The following IL6ST variants were observed in gnomAD, a reference collection of about 807,000 sequenced individuals.
IL6ST encodes the protein interleukin 6 cytokine family signal transducer.
Under a neutral mutation model 91.3 loss-of-function variants are expected in IL6ST, and 24 were observed. The ratio of observed to expected loss-of-function variants is 0.26; its 90% CI spans 0.19 to 0.37. The LOEUF (loss-of-function observed/expected upper bound fraction) is 0.37. Ranked by LOEUF, IL6ST falls within the 10% of genes least tolerant of loss-of-function variation. The probability of loss-of-function intolerance (pLI) is 1.00; values close to 1 mark genes in which losing one functional copy is unlikely to be tolerated. For missense variants in IL6ST, 914 were observed against 1,078.5 expected (o/e 0.85, Z 2.14); for synonymous variants, 351 against 373.6 (o/e 0.94, Z 0.70).
intron 1 of IL6ST, among the ~76,000 whole-genome samples, chr5:55,984,170 T>C (rs1364737645): frequency 1.3e-5 from 2 of 152,266 alleles, no homozygotes; most frequent in East Asian, 3.8e-4. Flanking sequence ...ACACAATATG[T>C]AAATAAGTGG....
At chr5:55,965,437 G>GA (rs1406556053) in intron 5 of IL6ST, among the ~76,000 whole-genome samples, 6 of 152,092 alleles carry the variant, frequency 3.9e-5, no homozygotes, top group African/African-American at 1.4e-4. Context: ...ATTTTTAAAA[G>GA]ATAGTATTAT....
chr5:55,951,439 AAAACC>A lies in IL6ST; in HGVS notation c.1840+20_1840+24del. On this transcript the variant is annotated intron_variant, in intron 14 of 16. Coordinates refer to ENST00000381298, the MANE Select transcript of IL6ST (RefSeq NM_002184.4). ...TCTAACCTAAGTTTGAGAAAGAAAA[AAAACC>A]AAACTTCATTATTTCTTACCAAACT... 1 of 1,590,964 alleles carries A rather than the reference AAAACC, an allele frequency of 6.3e-7. No homozygotes were observed. The highest frequency in any genetic ancestry group is 2.2e-5 in the East Asian group (1 of 44,728).
At chr5:55,948,278 C>T in intron 14 of IL6ST, among the ~76,000 whole-genome samples, 1 of 152,172 alleles carries the variant, frequency 6.6e-6, no homozygotes, top group East Asian at 1.9e-4. Flanking sequence ...AAATTAATCA[C>T]TAATTGGGAT....
intron 5 of IL6ST, among the ~76,000 whole-genome samples, chr5:55,967,806 A>AT (rs1184487143): frequency 1.3e-5 from 2 of 151,358 alleles, no homozygotes; most frequent in East Asian, 3.9e-4. Context: ...TTATTTATTT[A>AT]TTTTTTTTGA....
intron 5 of IL6ST, among the ~76,000 whole-genome samples, chr5:55,966,765 C>A (rs1303360497): frequency 6.6e-6 from 1 of 151,956 alleles, no homozygotes; most frequent in Non-Finnish European, 1.5e-5. Context: ...CAAGAGTGTT[C>A]ACTGTAAAAC....
rs1368005798 is a variant in IL6ST, at chr5:55,964,137, T to G, written c.658+9A>C. ...TCAAATAAACTCTCAAATTCAGGTT[T>G]ATAACTACCTTTATATACAGGATCA... is the stretch of plus-strand genomic sequence containing the variant. On this transcript the variant is annotated intron_variant, in intron 6 of 16. Coordinates refer to ENST00000381298, the MANE Select transcript of IL6ST (RefSeq NM_002184.4). 4 of 1,512,900 alleles carry G rather than the reference T, an allele frequency of 2.6e-6. No individual in the cohort carries two copies. The highest frequency in any genetic ancestry group is 3.6e-6 in the Non-Finnish European group (4 of 1,115,870). 93.7% of individuals were successfully genotyped at this position (1,512,900 alleles called of 1,614,324 possible).
Position 55,982,777 on chromosome 5 carries a change from A to C in IL6ST, c.-69T>G, listed in dbSNP as rs1278169830. ...GTAGGGATTTGAAGCTAAGTCTTCT[A>C]CTTCTAAATGTCATGCTTTTTCCAT... is the stretch of plus-strand genomic sequence containing the variant. On this transcript the variant is annotated 5_prime_UTR_variant, in exon 2 of 17. Transcript: ENST00000381298. The C allele has an allele frequency of 5.0e-6, 2 of 398,262 alleles. No homozygotes were observed. Among genetic ancestry groups the C allele is most frequent in the African/African-American group, 4.1e-5 (2 of 48,612 alleles). The allele number at this position is 398,262 out of a possible 1,614,324, so 24.7% of individuals were successfully genotyped here. A position where few individuals can be genotyped will look rare whatever the true frequency, so the allele number is the denominator to read the frequency against.
chr5:55,953,721 G>A (rs1036711929), intron 11 of IL6ST, among the ~76,000 whole-genome samples: 5 of 152,236 alleles, frequency 3.3e-5, no homozygotes, highest in Non-Finnish European at 5.9e-5. Flanking sequence ...CTGAGCAGTG[G>A]TTCACGCCTG....
At position 55,963,385 on chromosome 5, in the gene IL6ST, T is replaced by C. The variant is rs1031695419; in HGVS notation, c.780A>G (p.Gln260=). 1.2e-6 allele frequency: 2 copies of C among 1,602,540 alleles called. No homozygotes were observed. The highest frequency in any genetic ancestry group is 1.7e-5 in the Admixed American group (1 of 57,950). ...AAGTTGAGGCATCTTTGGTCCTATA[T>C]TGAATGTTATATTTTAGTATTATAA... ...KSVIILKYNI[Q]YRTKDASTWS... The change falls in exon 7 of 17, where the codon CAA becomes CAG. Residue 260 remains glutamine, a synonymous_variant. Coordinates refer to ENST00000381298, the MANE Select transcript of IL6ST (RefSeq NM_002184.4).
At chr5:55,972,771 G>A (rs552310738) in intron 3 of IL6ST, among the ~76,000 whole-genome samples, 35 of 152,098 alleles carry the variant, frequency 2.3e-4, no homozygotes, top group Non-Finnish European at 3.5e-4. Flanking sequence ...TTGGGAGGCC[G>A]AGGTGGATGG....
At chr5:55,990,037 G>C (rs1754222257) in intron 1 of IL6ST, among the ~76,000 whole-genome samples, 1 of 152,132 alleles carries the variant, frequency 6.6e-6, no homozygotes, top group Non-Finnish European at 1.5e-5. Flanking sequence ...TTAGAGCAAA[G>C]GGTGAAGCTG....
At chr5:55,966,707 G>A (rs949612283) in intron 5 of IL6ST, among the ~76,000 whole-genome samples, 2 of 152,116 alleles carry the variant, frequency 1.3e-5, no homozygotes, top group African/African-American at 4.8e-5. Flanking sequence ...AGATAAATAG[G>A]TGATAAAGCA....
At position 55,951,932 on chromosome 5, in the gene IL6ST, T is replaced by A. The variant is rs1433538463; in HGVS notation, c.1696A>T (p.Thr566Ser). The A allele has an allele frequency of 7.0e-7, 1 of 1,433,562 alleles. No homozygotes were observed. The highest frequency in any genetic ancestry group is 1.4e-5 in the African/African-American group (1 of 70,708). 88.8% of individuals were successfully genotyped at this position (1,433,562 alleles called of 1,614,324 possible). Residue 566 changes from threonine to serine, a missense_variant, in exon 13 of 17, where the codon ACT becomes TCT. Transcript: ENST00000381298. ...ATAACTGATACAGTTTTATTACCAGTTTCATTTCCAATGATGGTTCTATAA... is the reference window on the plus strand; with the variant it reads ...ATAACTGATACAGTTTTATTACCAGATTCATTTCCAATGATGGTTCTATAA... The part of the protein sequence containing the change: ...IFYRTIIGNE[T>S]AVNVDSSHTE...
At chr5:55,967,487 CAA>C (rs915470674) in intron 5 of IL6ST, among the ~76,000 whole-genome samples, 4 of 149,170 alleles carry the variant, frequency 2.7e-5, no homozygotes, top group African/African-American at 9.9e-5. Flanking sequence ...TTGACTGAAA[CAA>C]ATGTAAAAAA....
At chr5:55,980,754 A>T (rs999944699) in intron 2 of IL6ST, among the ~76,000 whole-genome samples, 1 of 152,182 alleles carries the variant, frequency 6.6e-6, no homozygotes, top group Non-Finnish European at 1.5e-5. Flanking sequence ...CTTCTAAATA[A>T]AACTATTAAC....
At position 55,952,307 on chromosome 5, in the gene IL6ST, C is replaced by A. The variant is rs34417936; in HGVS notation, c.1495G>T (p.Val499Leu). The change falls in exon 12 of 17, where the codon GTA becomes TTA. Residue 499 changes from valine to leucine, a missense_variant. Val to Leu is a conservative substitution (Grantham distance 32). Transcript: ENST00000381298. ...GGGCTTCCTGGTCCATCAGCATATA[C>A]TGGAGTAACTGTTATCAAATAGCAT... is the stretch of plus-strand genomic sequence containing the variant. ...SKCYLITVTP[V>L]YADGPGSPES... The A allele has an allele frequency of 6.2e-7, 1 of 1,606,298 alleles. No homozygotes were observed. Among genetic ancestry groups the A allele is most frequent in the Non-Finnish European group, 8.5e-7 (1 of 1,174,276 alleles).
At chr5:55,991,323 C>T (rs1236952264) in intron 1 of IL6ST, among the ~76,000 whole-genome samples, 1 of 152,198 alleles carries the variant, frequency 6.6e-6, no homozygotes, top group Non-Finnish European at 1.5e-5. Context: ...TCCCTATCTA[C>T]AAACAACTCA....
At chr5:55,977,952 T>C (rs1753412597) in intron 2 of IL6ST, among the ~76,000 whole-genome samples, 1 of 151,508 alleles carries the variant, frequency 6.6e-6, no homozygotes, top group African/African-American at 2.4e-5. Context: ...TGAGCTGAGA[T>C]GGCACCACTG....
chr5:55,968,826 A>C lies in IL6ST; in HGVS notation c.371-430T>G, dbSNP rs576434097. ...ACTCGTTGGAAGAAAAGCAAATGCCAAAACAGTAAAGTCTGGGTGATCCAC... is the reference window on the plus strand; with the variant it reads ...ACTCGTTGGAAGAAAAGCAAATGCCCAAACAGTAAAGTCTGGGTGATCCAC... On this transcript the variant is annotated intron_variant, in intron 4 of 16. Transcript: ENST00000381298. Among the ~76,000 whole-genome samples the C allele has an allele frequency of 9.3e-4, 142 of 152,366 alleles. 1 individual carries two copies. Among genetic ancestry groups the C allele is most frequent in the African/African-American group, 3.2e-3 (132 of 41,578 alleles).
Sources: gnomAD v4.1 joint callset for allele counts (sites outside exome capture counted in the v4.1 genomes callset) on GRCh38, gnomAD v4.1.1 for gene constraint, MANE v1.5 for transcripts, NCBI Gene and HGNC (gene_info 2026-07-23, HGNC 2026-07-21) for gene names.